Variants in ADAMTS9 observed in about 807,000 individuals in gnomAD.
ADAMTS9 encodes ADAM metallopeptidase with thrombospondin type 1 motif 9.
Under a neutral mutation model 257.1 loss-of-function variants are expected in ADAMTS9, and 107 were observed. That is an observed-to-expected ratio of 0.42 (90% CI 0.36 to 0.49). ADAMTS9 has a LOEUF of 0.49. Among genes scored for constraint, ADAMTS9 ranks in the 20% least tolerant of loss-of-function variants. The pLI is 0.03. For missense variants in ADAMTS9, 2,353 were observed against 2,469.1 expected, an observed-to-expected ratio of 0.95 and a Z score of 1.00; for synonymous variants, 982 against 880.9, an observed-to-expected ratio of 1.11 and a Z score of -2.03.
At chr3:64,654,654 T>C in intron 6 of ADAMTS9, 42 bp from the exon 7 acceptor site, 1 of 1,601,532 alleles carries the variant, frequency 6.2e-7, no homozygotes, top group Non-Finnish European at 8.6e-7. Flanking sequence ...CATCAAAGAG[T>C]AAATGTCAAT....
chr3:64,648,910 C>T (rs1700862657), intron 10 of ADAMTS9, among the ~76,000 whole-genome samples: 1 of 152,202 alleles, frequency 6.6e-6, no homozygotes, highest in East Asian at 1.9e-4. Context: ...CAAGTTTACT[C>T]AAAATTTTGT....
chr3:64,678,953 C>A (rs1306865848), intron 3 of ADAMTS9, among the ~76,000 whole-genome samples: 3 of 152,090 alleles, frequency 2.0e-5, no homozygotes, highest in Admixed American at 6.5e-5. Flanking sequence ...GAACGGCATG[C>A]CATATTGGTC....
chr3:64,650,867 CT>C lies in ADAMTS9; in HGVS notation c.1463+149del, dbSNP rs35102734. On this transcript the variant is annotated intron_variant, in intron 9 of 39. Coordinates refer to ENST00000498707, the MANE Select transcript of ADAMTS9 (RefSeq NM_182920.2). The stretch of plus-strand genomic sequence containing the variant: ...TATGAACTACACAGATGTCAGAGAG[CT>C]TTTTTTTTTTTTTTTTGCCTTCTCC... The C allele has an allele frequency of 0.28, 133,463 of 473,740 alleles. 4,312 individuals carry two copies. The highest frequency in any genetic ancestry group is 0.33 in the African/African-American group (14,256 of 42,984). The allele number at this position is 473,740 out of a possible 1,614,324, so 29.3% of individuals were successfully genotyped here.
chr3:64,600,273 C>T (rs958611608), intron 26 of ADAMTS9, among the ~76,000 whole-genome samples: 2 of 152,136 alleles, frequency 1.3e-5, no homozygotes, highest in Admixed American at 6.5e-5. Context: ...AGATGACGTA[C>T]ATCCTTCATC....
rs1300751911 is a variant in ADAMTS9 at position 64,597,061 on chromosome 3, G to C, written c.4018-70C>G. 4 of 1,581,734 alleles carry C rather than the reference G, an allele frequency of 2.5e-6. No individual in the cohort carries two copies. In the African/African-American group the frequency reaches 5.4e-5, roughly 21 times the overall value. On this transcript the variant is annotated intron_variant, in intron 26 of 39. Transcript: ENST00000498707. The stretch of plus-strand genomic sequence containing the variant: ...CTTAGGGACACAGAAGCAGCTGGTT[G>C]AAAGGTTAAGACAAATGTGCTGAAA...
At chr3:64,639,293 GTTTTTTT>G (rs753448050) in intron 12 of ADAMTS9, among the ~76,000 whole-genome samples, 1 of 56,938 alleles carries the variant, frequency 1.8e-5, no homozygotes, top group South Asian at 7.5e-4. Flanking sequence ...TAGGTGGATT[GTTTTTTT>G]TTTTTTTTTT....
chr3:64,611,858 G>T (rs1275769741), intron 22 of ADAMTS9, among the ~76,000 whole-genome samples: 1 of 152,134 alleles, frequency 6.6e-6, no homozygotes, highest in Admixed American at 6.6e-5. Context: ...CTTTTGGGGT[G>T]ATGAAGTTTC....
chr3:64,550,866 G>A lies in ADAMTS9; in HGVS notation c.4869+26C>T, dbSNP rs545793187. On this transcript the variant is annotated intron_variant, in intron 31 of 39. Coordinates refer to ENST00000498707, the MANE Select transcript of ADAMTS9 (RefSeq NM_182920.2). ...ACTCTCAGGCCATGGCTGAGCTGAC[G>A]ATGGTTACAGTTCCCAGGACGGTAC... The A allele has an allele frequency of 1.3e-5, 21 of 1,612,680 alleles. No homozygotes were observed. In the East Asian group the frequency reaches 1.8e-4, roughly 14 times the overall value.
intron 25 of ADAMTS9, among the ~76,000 whole-genome samples, chr3:64,603,498 G>T (rs1253353212): frequency 6.6e-6 from 1 of 152,128 alleles, no homozygotes; most frequent in African/African-American, 2.4e-5. Context: ...TCCCATTCTT[G>T]TCAGGGGAAA....
At chr3:64,682,306 A>G (rs1370242563) in intron 2 of ADAMTS9, among the ~76,000 whole-genome samples, 1 of 152,218 alleles carries the variant, frequency 6.6e-6, no homozygotes, top group African/African-American at 2.4e-5. Flanking sequence ...AAAATGCCTG[A>G]CACCTTGCAA....
In ADAMTS9 at chr3:64,575,675, T is replaced by G. The variant is rs1006101015; in HGVS notation, c.4357-7140A>C. The stretch of plus-strand genomic sequence containing the variant: ...CTGGAATCCTACCCTACCTGTCATT[T>G]TACCAAGGTGCCACTAGGGGCAAGT... On this transcript the variant is annotated intron_variant, in intron 28 of 39. Transcript: ENST00000498707. Among the ~76,000 whole-genome samples the G allele has an allele frequency of 9.2e-5, 14 of 152,204 alleles. 1 individual carries two copies.
In ADAMTS9 at chr3:64,647,952, G is replaced by C; in HGVS notation, c.1698C>G (p.Cys566Trp). Residue 566 changes from cysteine (C) to tryptophan (W), a missense_variant, in exon 11 of 40, where the codon TGC becomes TGG. This residue lies in a region of ADAMTS9 where 360 missense variants were observed against 458.1 expected (regional missense o/e 0.79). Transcript: ENST00000498707. The part of the protein sequence containing the change: ...QHTPWADGTE[C>W]EPGKHCKYGF... ...GGGCATTACTTGCCTTTCCAGGCTC[G>C]CACTCCGTCCCATCGGCCCAGGGTG... 6.2e-7 allele frequency: 1 copy of C among 1,613,446 alleles called. No homozygotes were observed. Among genetic ancestry groups the C allele is most frequent in the Non-Finnish European group, 8.5e-7 (1 of 1,179,782 alleles).
intron 3 of ADAMTS9, among the ~76,000 whole-genome samples, chr3:64,673,548 C>T (rs1391440742): frequency 6.6e-6 from 1 of 152,144 alleles, no homozygotes. Context: ...TAAGAGACAA[C>T]GATGAGTTGC....
chr3:64,612,263 G>A (rs2084678623), intron 22 of ADAMTS9, among the ~76,000 whole-genome samples: 1 of 152,138 alleles, frequency 6.6e-6, no homozygotes, highest in Non-Finnish European at 1.5e-5. Context: ...AGAGACAGAT[G>A]ACAAACAGGC....
chr3:64,632,968 T>C (rs1700406442), intron 14 of ADAMTS9, among the ~76,000 whole-genome samples: 1 of 152,200 alleles, frequency 6.6e-6, no homozygotes, highest in Admixed American at 6.5e-5. Flanking sequence ...CTTTGCTGTT[T>C]CCCAGAAGTT....
At chr3:64,672,794 C>T (rs899985236) in intron 3 of ADAMTS9, among the ~76,000 whole-genome samples, 2 of 152,174 alleles carry the variant, frequency 1.3e-5, no homozygotes, top group Admixed American at 6.5e-5. Flanking sequence ...CAAACTGGCC[C>T]TTCTGGGCTT....
intron 3 of ADAMTS9, among the ~76,000 whole-genome samples, chr3:64,668,428 C>T (rs1016879293): frequency 8.5e-5 from 13 of 152,194 alleles, no homozygotes; most frequent in African/African-American, 2.4e-4. Flanking sequence ...CAGCGTATTA[C>T]GGGAGATAAG....
At chr3:64,551,971 C>A (rs1448136732) in intron 30 of ADAMTS9, among the ~76,000 whole-genome samples, 1 of 152,208 alleles carries the variant, frequency 6.6e-6, no homozygotes, top group Non-Finnish European at 1.5e-5. Flanking sequence ...TAAGTTCCTA[C>A]TAGGTGTCAG....
At chr3:64,608,898 C>T (rs1559789755) in intron 22 of ADAMTS9, among the ~76,000 whole-genome samples, 1 of 151,748 alleles carries the variant, frequency 6.6e-6, no homozygotes, top group South Asian at 2.1e-4. Context: ...AAATTGAATC[C>T]AATAGCATAC....
Sources: gnomAD v4.1 joint callset for allele counts (sites outside exome capture counted in the v4.1 genomes callset) on GRCh38, gnomAD v4.1.1 for gene constraint, gnomAD v4.1.1 regional missense constraint, MANE v1.5 for transcripts, NCBI Gene and HGNC (gene_info 2026-07-23, HGNC 2026-07-21) for gene names.